Variants in RBM20 observed in about 807,000 individuals in gnomAD.
RBM20 encodes RNA binding motif protein 20.
Under a neutral mutation model 110.1 loss-of-function variants are expected in RBM20, and 51 were observed. That is an observed-to-expected ratio of 0.46 (90% CI 0.37 to 0.59). The LOEUF (loss-of-function observed/expected upper bound fraction) is 0.59. RBM20 is among the 20% of genes least tolerant of loss of function. The pLI, the probability that RBM20 is intolerant of heterozygous loss-of-function variation, is 0.00. For missense variants in RBM20, 1,512 were observed against 1,574.9 expected (o/e 0.96, Z 0.68); for synonymous variants, 589 against 618.2 (o/e 0.95, Z 0.70).
At chr10:110,672,503 C>T in intron 1 of RBM20, among the ~76,000 whole-genome samples, 1 of 152,352 alleles carries the variant, frequency 6.6e-6, no homozygotes, top group East Asian at 1.9e-4. Context: ...GCGGAGCTTC[C>T]GTGATCGTCA....
rs573849622 is a variant in RBM20 at position 110,807,139 on chromosome 10, C to T, written c.1801-3244C>T. On this transcript the variant is annotated intron_variant, in intron 7 of 13. Transcript: ENST00000369519. The stretch of plus-strand genomic sequence containing the variant: ...TTCATTCTCTGCAGCCACATCCTTC[C>T]ATCTCTCCAGCCATGCATCTTGGGA... Among the ~76,000 whole-genome samples, 11 of 152,312 alleles carry T rather than the reference C, an allele frequency of 7.2e-5. No homozygotes were observed. In the East Asian group the frequency reaches 1.9e-3, roughly 27 times the overall value.
rs371850220 is a variant in RBM20 at position 110,802,013 on chromosome 10, G to A, written c.1800+2095G>A. On this transcript the variant is annotated intron_variant, in intron 7 of 13. Coordinates refer to ENST00000369519, the MANE Select transcript of RBM20 (RefSeq NM_001134363.3). ...TGTGTCTTCTTATTGGTTTGCAGGA[G>A]TTCTCTTAACTGGAGCACGTAGTCT... 5.3e-5 allele frequency among the ~76,000 whole-genome samples: 8 copies of A among 152,212 alleles called. No homozygotes were observed. In the East Asian group the frequency reaches 9.6e-4, roughly 18 times the overall value.
intron 6 of RBM20, among the ~76,000 whole-genome samples, chr10:110,798,260 C>G (rs1844576970): frequency 6.6e-6 from 1 of 152,318 alleles, no homozygotes; most frequent in South Asian, 2.1e-4. Context: ...ATACTCCCAA[C>G]AGTCAGAAAT....
chr10:110,644,697 C>G lies in RBM20; in HGVS notation c.191+52C>G, dbSNP rs1265741665. The G allele has an allele frequency of 2.3e-6, 3 of 1,321,740 alleles. No individual in the cohort carries two copies. The African/African-American group carries it at 4.6e-5, about 20-fold the overall frequency. 81.9% of individuals were successfully genotyped at this position (1,321,740 alleles called of 1,614,324 possible). On this transcript the variant is annotated intron_variant, in intron 1 of 13. Transcript: ENST00000369519. The surrounding 1 kb of genome is among the most constrained non-coding windows in gnomAD (Gnocchi z 4.3). ...CACGGGTGCGCCTGGGGACACGCCC[C>G]GAGAGCCCCCTTTGTGGCTTCATTT...
At chr10:110,655,691 G>T (rs894425090) in intron 1 of RBM20, among the ~76,000 whole-genome samples, 1 of 152,184 alleles carries the variant, frequency 6.6e-6, no homozygotes, top group African/African-American at 2.4e-5. Context: ...TGCAGACATT[G>T]TTACAAGTGT....
chr10:110,824,603 A>T (rs961416496), intron 12 of RBM20, among the ~76,000 whole-genome samples: 3 of 152,156 alleles, frequency 2.0e-5, no homozygotes, highest in African/African-American at 7.2e-5. Context: ...GAGTTTACTG[A>T]TGGAATCACC....
chr10:110,659,930 C>A (rs1862078716), intron 1 of RBM20, among the ~76,000 whole-genome samples: 1 of 151,710 alleles, frequency 6.6e-6, no homozygotes, highest in African/African-American at 2.4e-5. Context: ...CCTCCCACCT[C>A]AACCTCCCAA....
At position 110,687,329 on chromosome 10, in the gene RBM20, T is replaced by G. The variant is rs565930077; in HGVS notation, c.191+42684T>G. Among the ~76,000 whole-genome samples the G allele has an allele frequency of 3.0e-4, 45 of 152,334 alleles. 1 individual carries two copies. In the South Asian group the frequency reaches 9.3e-3, roughly 32 times the overall value. ...AGTGCTGAGTCCAATCAATGTGATT[T>G]AAATCATCCATGATATATTCATAGC... is the stretch of plus-strand genomic sequence containing the variant. On this transcript the variant is annotated intron_variant, in intron 1 of 13. Transcript: ENST00000369519.
chr10:110,777,867 C>T (rs772856484), intron 1 of RBM20, among the ~76,000 whole-genome samples: 2 of 152,230 alleles, frequency 1.3e-5, no homozygotes, highest in Non-Finnish European at 2.9e-5. Flanking sequence ...ACCTCATTAT[C>T]GCCTTGTTAG....
rs11596780 is a variant in RBM20 at position 110,734,619 on chromosome 10, T to G, written c.192-46182T>G. Among the ~76,000 whole-genome samples the G allele has an allele frequency of 1.5e-3, 119 of 80,910 alleles. 1 individual carries two copies. Among genetic ancestry groups the G allele is most frequent in the East Asian group, 5.5e-3 (6 of 1,088 alleles). The allele number at this position is 80,910 out of a possible 152,430, so 53.1% of individuals were successfully genotyped here. On this transcript the variant is annotated intron_variant, in intron 1 of 13. Transcript: ENST00000369519. ...ATGGAACCAATATAAAAATTCCCTC[T>G]TTTTTTTTTTTTTTTTTGAGAGTGT...
chr10:110,802,462 A>T (rs187094153), intron 7 of RBM20, among the ~76,000 whole-genome samples: 2 of 151,636 alleles, frequency 1.3e-5, no homozygotes, highest in East Asian at 3.9e-4. Flanking sequence ...TCTATATCCA[A>T]CCAAAGTTCC....
chr10:110,730,249 G>T (rs1398403637), intron 1 of RBM20, among the ~76,000 whole-genome samples: 1 of 152,224 alleles, frequency 6.6e-6, no homozygotes, highest in South Asian at 2.1e-4. Context: ...CATTCAAGAT[G>T]GTTTCCTCGG....
At chr10:110,674,194 G>C (rs750740672) in intron 1 of RBM20, among the ~76,000 whole-genome samples, 1 of 152,146 alleles carries the variant, frequency 6.6e-6, no homozygotes, top group African/African-American at 2.4e-5. Flanking sequence ...TGGAAGGAAG[G>C]GCTGGGCTTT....
At chr10:110,718,557 G>GT (rs71032101) in intron 1 of RBM20, among the ~76,000 whole-genome samples, 46,067 of 112,784 alleles carry the variant, frequency 0.41, 8,370 homozygotes, top group East Asian at 0.68. Flanking sequence ...AACTTTTTTA[G>GT]TTTTTTTTTT....
chr10:110,780,756 CT>C (rs1398092736), intron 1 of RBM20, 44 bp from the exon 2 acceptor site: 1 of 1,468,738 alleles, frequency 6.8e-7, no homozygotes, highest in African/African-American at 1.4e-5. Context: ...CCTTGCCCCC[CT>C]CATTGAAAAC....
intron 1 of RBM20, among the ~76,000 whole-genome samples, chr10:110,675,682 C>G (rs1862329201): frequency 6.6e-6 from 1 of 152,150 alleles, no homozygotes; most frequent in African/African-American, 2.4e-5. Context: ...TTAACATAGT[C>G]CCCCTCAAGT....
intron 1 of RBM20, among the ~76,000 whole-genome samples, chr10:110,754,530 A>G (rs1172873030): frequency 6.6e-6 from 1 of 151,744 alleles, no homozygotes; most frequent in Admixed American, 6.6e-5. Context: ...TGCTTTCCAT[A>G]TTTTTGCTTT....
intron 1 of RBM20, among the ~76,000 whole-genome samples, chr10:110,748,189 A>G (rs1649229731): frequency 6.6e-6 from 1 of 152,204 alleles, no homozygotes; most frequent in African/African-American, 2.4e-5. Flanking sequence ...ATTTCCTGAG[A>G]TTGAATCAGT....
chr10:110,822,521 AAG>A (rs1162399226), intron 11 of RBM20: 3 of 455,944 alleles, frequency 6.6e-6, no homozygotes, highest in African/African-American at 4.0e-5. Context: ...GACATCATGA[AAG>A]AGAGAGTTTA....
Sources: gnomAD v4.1 joint callset for allele counts (sites outside exome capture counted in the v4.1 genomes callset) on GRCh38, gnomAD v4.1.1 for gene constraint, Gnocchi (gnomAD v3.1) non-coding constraint, MANE v1.5 for transcripts, NCBI Gene and HGNC (gene_info 2026-07-23, HGNC 2026-07-21) for gene names.